Variants in BCAS3 observed in about 807,000 individuals in gnomAD.
BCAS3 encodes the protein BCAS4/BCAS3 fusion.
BCAS3 carries 53 observed loss-of-function variants against 116.1 expected under a neutral mutation model. The ratio of observed to expected loss-of-function variants is 0.46; its 90% confidence interval spans 0.37 to 0.57. BCAS3 has a LOEUF of 0.57. BCAS3 is among the 20% of genes least tolerant of loss of function. The pLI is 0.00. For missense variants in BCAS3, 917 were observed against 1,165.4 expected (o/e 0.79, Z 3.10); for synonymous variants, 391 against 408.2 (o/e 0.96, Z 0.51).
chr17:61,183,470 G>A (rs937659360), intron 22 of BCAS3, among the ~76,000 whole-genome samples: 36 of 151,992 alleles, frequency 2.4e-4, no homozygotes, highest in African/African-American at 8.5e-4. Context: ...CTCAAGCTAA[G>A]CATTGTACAA....
chr17:61,318,787 A>G (rs559028153), intron 22 of BCAS3, among the ~76,000 whole-genome samples: 13 of 152,320 alleles, frequency 8.5e-5, no homozygotes, highest in Admixed American at 5.9e-4. Flanking sequence ...TGGTCCCATC[A>G]TGTTAAATGT....
At chr17:60,895,303 C>T (rs1290793939) in intron 10 of BCAS3, among the ~76,000 whole-genome samples, 3 of 152,038 alleles carry the variant, frequency 2.0e-5, no homozygotes, top group Admixed American at 2.0e-4. Context: ...TGTATGTTTC[C>T]AGGAATTTAT....
At chr17:61,283,278 A>G (rs942198478) in intron 22 of BCAS3, among the ~76,000 whole-genome samples, 1 of 152,224 alleles carries the variant, frequency 6.6e-6, no homozygotes, top group African/African-American at 2.4e-5. Context: ...CAAACTAGTT[A>G]GCTTCATCCA....
Position 61,347,010 on chromosome 17 carries a change from C to T in BCAS3, c.2426-21317C>T, listed in dbSNP as rs1474738582. 2.0e-5 allele frequency among the ~76,000 whole-genome samples: 3 copies of T among 152,216 alleles called. No homozygotes were observed. The highest frequency in any genetic ancestry group is 4.4e-5 in the Non-Finnish European group (3 of 68,036). The stretch of plus-strand genomic sequence containing the variant: ...CCTCTCCCTGTGTCCTGTTTTGCCC[C>T]TTGGGGACACAGAAAAATTGATTCC... On this transcript the variant is annotated intron_variant, in intron 22 of 23. Coordinates refer to ENST00000407086, the MANE Select transcript of BCAS3 (RefSeq NM_017679.5). This position sits in a 1 kb window ranked among gnomAD's most constrained non-coding sequence, Gnocchi z 4.3.
At chr17:60,845,074 A>G (rs1030891622) in intron 7 of BCAS3, among the ~76,000 whole-genome samples, 5 of 152,160 alleles carry the variant, frequency 3.3e-5, no homozygotes, top group African/African-American at 1.2e-4. Context: ...TACTAAAAAT[A>G]CAAAAATTAG....
intron 9 of BCAS3, among the ~76,000 whole-genome samples, chr17:60,880,852 C>T (rs2056060947): frequency 6.6e-6 from 1 of 152,132 alleles, no homozygotes; most frequent in South Asian, 2.1e-4. Context: ...CTTTTCAATA[C>T]TGAGTGGTAA....
Position 61,265,695 on chromosome 17 carries a change from T to TC in BCAS3, c.2426-102632_2426-102631insC, listed in dbSNP as rs890248544. Among the ~76,000 whole-genome samples, 1 of 79,252 alleles carries TC rather than the reference T, an allele frequency of 1.3e-5. No individual in the cohort carries two copies. Among genetic ancestry groups the TC allele is most frequent in the African/African-American group, 3.4e-5 (1 of 29,156 alleles). 52.0% of individuals were successfully genotyped at this position (79,252 alleles called of 152,430 possible). ...TTAACTATGTAACACCATCATTCTT[T>TC]TTTCCCCCCCATCAAGTAGTATATC... On this transcript the variant is annotated intron_variant, in intron 22 of 23. Coordinates refer to ENST00000407086, the MANE Select transcript of BCAS3 (RefSeq NM_017679.5). The surrounding 1 kb of genome is among the most constrained non-coding windows in gnomAD (Gnocchi z 4.3).
chr17:60,705,561 A>G (rs1016238731), intron 4 of BCAS3, among the ~76,000 whole-genome samples: 3 of 151,886 alleles, frequency 2.0e-5, no homozygotes, highest in Non-Finnish European at 2.9e-5. Context: ...AGTTGTAGAT[A>G]TGGCAAAAAA....
intron 1 of BCAS3, among the ~76,000 whole-genome samples, 170 bp from the exon 2 acceptor site, chr17:60,679,283 C>A (rs939476985): frequency 6.6e-6 from 1 of 152,144 alleles, no homozygotes; most frequent in African/African-American, 2.4e-5. Flanking sequence ...TAAAAACCTA[C>A]TTCCTCCTTT....
chr17:61,182,411 C>T (rs1433258307), intron 22 of BCAS3, among the ~76,000 whole-genome samples: 3 of 152,054 alleles, frequency 2.0e-5, no homozygotes, highest in Non-Finnish European at 4.4e-5. Context: ...ACCCCACTAG[C>T]CATCACCCAT....
chr17:61,139,438 T>C lies in BCAS3; in HGVS notation c.2425+54874T>C, dbSNP rs2076809151. Among the ~76,000 whole-genome samples, 1 of 152,194 alleles carries C rather than the reference T, an allele frequency of 6.6e-6. No individual in the cohort carries two copies. The highest frequency in any genetic ancestry group is 1.5e-5 in the Non-Finnish European group (1 of 68,044). Reference sequence around the variant, plus strand: ...CTTCCTTCTTCAGTTTCTCAGTCTGTCGAGAGAGCATGGCTGCACCCTGTG... The same window carrying C: ...CTTCCTTCTTCAGTTTCTCAGTCTGCCGAGAGAGCATGGCTGCACCCTGTG... On this transcript the variant is annotated intron_variant, in intron 22 of 23. Coordinates refer to ENST00000407086, the MANE Select transcript of BCAS3 (RefSeq NM_017679.5). This position sits in a 1 kb window ranked among gnomAD's most constrained non-coding sequence, Gnocchi z 4.7.
At chr17:61,089,892 G>A (rs575559150) in intron 22 of BCAS3, among the ~76,000 whole-genome samples, 47 of 152,158 alleles carry the variant, frequency 3.1e-4, no homozygotes, top group African/African-American at 1.1e-3. Flanking sequence ...TTCAATCTGA[G>A]GCCTACTTAG....
In BCAS3 at chr17:61,337,910, C is replaced by T. The variant is rs766877799; in HGVS notation, c.2426-30417C>T. ...TTTTATAGTTGAGGAAACCAAGGCT[C>T]GGTGAGGTAAAGCGCTTCATCCAGT... is the stretch of plus-strand genomic sequence containing the variant. On this transcript the variant is annotated intron_variant, in intron 22 of 23. Coordinates refer to ENST00000407086, the MANE Select transcript of BCAS3 (RefSeq NM_017679.5). The surrounding 1 kb of genome is among the most constrained non-coding windows in gnomAD (Gnocchi z 4.8). Among the ~76,000 whole-genome samples the T allele has an allele frequency of 2.0e-5, 3 of 152,148 alleles. No homozygotes were observed. The highest frequency in any genetic ancestry group is 4.8e-5 in the African/African-American group (2 of 41,418).
chr17:60,880,173 T>C (rs1232752991), intron 9 of BCAS3, among the ~76,000 whole-genome samples: 2 of 152,252 alleles, frequency 1.3e-5, no homozygotes, highest in Admixed American at 1.3e-4. Context: ...TAAAACCTTA[T>C]GAGAGTCCTT....
intron 22 of BCAS3, among the ~76,000 whole-genome samples, chr17:61,304,267 A>T (rs1356759533): frequency 6.6e-6 from 1 of 152,162 alleles, no homozygotes; most frequent in African/African-American, 2.4e-5. Context: ...TGGCCATGTC[A>T]CTACCCATCT....
At chr17:60,895,538 T>A (rs879649889) in intron 10 of BCAS3, among the ~76,000 whole-genome samples, 8 of 152,190 alleles carry the variant, frequency 5.3e-5, no homozygotes, top group African/African-American at 7.2e-5. Flanking sequence ...GTTTCATTAG[T>A]CTATTTTGCT....
At position 61,083,054 on chromosome 17, in the gene BCAS3, C is replaced by T. The variant is rs1288189251; in HGVS notation, c.2328-1413C>T. Among the ~76,000 whole-genome samples, 1 of 152,210 alleles carries T rather than the reference C, an allele frequency of 6.6e-6. No homozygotes were observed. The highest frequency in any genetic ancestry group is 6.5e-5 in the Admixed American group (1 of 15,282). ...TATACTTCAGCCAAATCATGCACTT[C>T]AAGATGCCCTGAATCTATCGTATTC... On this transcript the variant is annotated intron_variant, in intron 21 of 23. Transcript: ENST00000407086. The surrounding 1 kb of genome is among the most constrained non-coding windows in gnomAD (Gnocchi z 4.9).
rs2069380481 is a variant in BCAS3 at position 61,056,321 on chromosome 17, G to A, written c.2029+15429G>A. ...GTCTTGACCACCAGTAACTAACTGT[G>A]TGGCCTTAGTACAGTGCCCATGTTA... On this transcript the variant is annotated intron_variant, in intron 19 of 23. Transcript: ENST00000407086. The surrounding 1 kb of genome is among the most constrained non-coding windows in gnomAD (Gnocchi z 4.9). Among the ~76,000 whole-genome samples, 1 of 152,166 alleles carries A rather than the reference G, an allele frequency of 6.6e-6. No individual in the cohort carries two copies. Among genetic ancestry groups the A allele is most frequent in the South Asian group, 2.1e-4 (1 of 4,832 alleles).
intron 14 of BCAS3, among the ~76,000 whole-genome samples, chr17:60,974,871 G>A (rs1187694486): frequency 6.6e-6 from 1 of 152,014 alleles, no homozygotes; most frequent in East Asian, 1.9e-4. Context: ...AGTGCTGTTT[G>A]CTTGAGTTTT....
Sources: allele counts gnomAD v4.1 joint callset (sites outside exome capture counted in the v4.1 genomes callset), GRCh38; gene constraint gnomAD v4.1.1; non-coding constraint Gnocchi (gnomAD v3.1); transcripts MANE v1.5; gene names NCBI Gene and HGNC (gene_info 2026-07-23, HGNC 2026-07-21).